Variants in MEMO1 observed in about 807,000 individuals in gnomAD.
MEMO1 encodes the protein mediator of cell motility 1, also known as protein MEMO1.
Under a neutral mutation model 45.2 loss-of-function variants are expected in MEMO1, and 6 were observed. That is an observed-to-expected ratio of 0.13 (90% confidence interval 0.07 to 0.26). The LOEUF (loss-of-function observed/expected upper bound fraction) is 0.26. Ranked by LOEUF, MEMO1 falls within the 10% of genes least tolerant of loss-of-function variation. MEMO1 has a pLI of 1.00. For synonymous variants in MEMO1, 78 were observed against 124.3 expected (o/e 0.63, Z 2.48); for missense variants, 184 against 370.5 (o/e 0.50, Z 4.13).
chr2:31,925,515 ACTTTCCCCAATAC>A (rs372396123), intron 4 of MEMO1, among the ~76,000 whole-genome samples: 3 of 143,638 alleles, frequency 2.1e-5, no homozygotes, highest in Non-Finnish European at 3.0e-5. Context: ...TCCCGGAGAT[ACTTTCCCCAATAC>A]CTTTCCCACA....
chr2:32,000,704 G>A (rs181311734), intron 2 of MEMO1, among the ~76,000 whole-genome samples: 3 of 152,126 alleles, frequency 2.0e-5, no homozygotes, highest in African/African-American at 7.2e-5. Context: ...ATTGCAGCCT[G>A]GACCCCTGAG....
chr2:31,969,377 A>T (rs1417996758), intron 2 of MEMO1, among the ~76,000 whole-genome samples: 1 of 150,476 alleles, frequency 6.6e-6, no homozygotes, highest in Non-Finnish European at 1.5e-5. Context: ...ATATATATAC[A>T]CATGTGTATA....
chr2:31,993,907 T>A (rs1030878743), intron 2 of MEMO1, among the ~76,000 whole-genome samples: 1 of 151,252 alleles, frequency 6.6e-6, no homozygotes, highest in African/African-American at 2.4e-5. Flanking sequence ...TAAGTAATGC[T>A]GTTGCTGTCT....
intron 2 of MEMO1, among the ~76,000 whole-genome samples, chr2:31,948,777 TAGTCCCAGCTACTTGGAAGGCTG>T (rs1193154526): frequency 6.6e-6 from 1 of 152,230 alleles, no homozygotes; most frequent in East Asian, 1.9e-4. Flanking sequence ...TGCACACCTG[TAGTCCCAGCTACTTGGAAGGCTG>T]AGGCAGGATT....
At chr2:31,915,075 T>G (rs1018687297) in intron 6 of MEMO1, among the ~76,000 whole-genome samples, 1 of 151,582 alleles carries the variant, frequency 6.6e-6, no homozygotes, top group Non-Finnish European at 1.5e-5. Context: ...GAGGCTACAG[T>G]GAGCCATGAT....
At chr2:31,988,956 C>A (rs1014321315) in intron 2 of MEMO1, among the ~76,000 whole-genome samples, 2 of 152,120 alleles carry the variant, frequency 1.3e-5, no homozygotes, top group Non-Finnish European at 2.9e-5. Flanking sequence ...CCTGTAATCC[C>A]AGCACTTTGA....
intron 6 of MEMO1, among the ~76,000 whole-genome samples, chr2:31,902,366 C>G (rs1351641399): frequency 6.6e-6 from 1 of 151,950 alleles, no homozygotes; most frequent in African/African-American, 2.4e-5. Flanking sequence ...CCACTGCACT[C>G]CAGCGTAGGC....
rs116284019 is a variant in MEMO1 at position 31,922,136 on chromosome 2, T to C, written c.213-1226A>G. ...TGCTATGTAGCTAGAAAAGTATTAC[T>C]GATTGCTCAATTAATGAACAAAAGC... On this transcript the variant is annotated intron_variant, in intron 4 of 9. Coordinates refer to ENST00000404530, the MANE Select transcript of MEMO1 (RefSeq NM_001301833.4). Among the ~76,000 whole-genome samples the C allele has an allele frequency of 4.2e-3, 644 of 152,262 alleles. 9 individuals carry two copies. Among genetic ancestry groups the C allele is most frequent in the African/African-American group, 0.015 (633 of 41,562 alleles).
At chr2:31,999,965 C>T (rs1013332741) in intron 2 of MEMO1, among the ~76,000 whole-genome samples, 3 of 151,296 alleles carry the variant, frequency 2.0e-5, no homozygotes, top group African/African-American at 7.3e-5. Flanking sequence ...TCACTGCAGC[C>T]TCCTGGACTC....
At chr2:31,921,783 T>C (rs1682343771) in intron 4 of MEMO1, among the ~76,000 whole-genome samples, 2 of 152,168 alleles carry the variant, frequency 1.3e-5, no homozygotes, top group Middle Eastern at 3.4e-3. Flanking sequence ...TTGAAAAGAA[T>C]TCTATATAAT....
intron 2 of MEMO1, among the ~76,000 whole-genome samples, chr2:31,946,466 T>C (rs903818597): frequency 2.0e-5 from 3 of 152,218 alleles, no homozygotes; most frequent in Non-Finnish European, 2.9e-5. Context: ...AAAAAACTTA[T>C]ACAAAGTAAT....
intron 6 of MEMO1, among the ~76,000 whole-genome samples, chr2:31,895,835 ATC>A (rs1226579013): frequency 6.9e-6 from 1 of 144,698 alleles, no homozygotes; most frequent in Non-Finnish European, 1.5e-5. Flanking sequence ...CAAGAAAAAA[ATC>A]TTTTTTTTTT....
intron 2 of MEMO1, among the ~76,000 whole-genome samples, chr2:32,001,071 C>T (rs1371750560): frequency 2.3e-5 from 3 of 131,930 alleles, no homozygotes; most frequent in Non-Finnish European, 4.7e-5. Flanking sequence ...AGGAGTCTCG[C>T]TCTCTCACCC....
intron 8 of MEMO1, among the ~76,000 whole-genome samples, chr2:31,882,732 AG>A (rs1330994043): frequency 6.6e-6 from 1 of 152,084 alleles, no homozygotes; most frequent in Non-Finnish European, 1.5e-5. Flanking sequence ...TGTCATCATA[AG>A]GCTATGATGT....
At chr2:31,913,646 C>CA (rs1485999880) in intron 6 of MEMO1, among the ~76,000 whole-genome samples, 10 of 151,340 alleles carry the variant, frequency 6.6e-5, no homozygotes, top group African/African-American at 2.4e-4. Flanking sequence ...TTAATTCATT[C>CA]AACAATCAAT....
chr2:31,959,102 A>C (rs1667710096), intron 2 of MEMO1, among the ~76,000 whole-genome samples: 1 of 152,242 alleles, frequency 6.6e-6, no homozygotes, highest in Non-Finnish European at 1.5e-5. Context: ...AGTTTGTTCT[A>C]AGATGAAGAC....
chr2:32,001,119 A>G (rs1354849405), intron 2 of MEMO1, among the ~76,000 whole-genome samples: 3 of 149,334 alleles, frequency 2.0e-5, no homozygotes, highest in African/African-American at 7.5e-5. Flanking sequence ...GCTCACTGCA[A>G]GCGCCGCCTC....
At position 32,010,195 on chromosome 2, in the gene MEMO1, G is replaced by A; in HGVS notation, c.53C>T (p.Thr18Ile). 23 of 1,485,128 alleles carry A rather than the reference G, an allele frequency of 1.5e-5. No homozygotes were observed. The highest frequency in any genetic ancestry group is 2.1e-5 in the Non-Finnish European group (23 of 1,110,254). 92.0% of individuals were successfully genotyped at this position (1,485,128 alleles called of 1,614,324 possible). A position where few individuals can be genotyped will look rare whatever the true frequency, so the allele number is the denominator to read the frequency against. Residue 18 changes from threonine to isoleucine, a missense_variant, in exon 2 of 10, where the codon ACA (threonine) becomes ATA (isoleucine). Thr to Ile is a moderately conservative substitution (Grantham distance 89). This residue lies in a region of MEMO1 where 27 missense variants were observed against 82.1 expected (regional missense o/e 0.33). Coordinates refer to ENST00000404530, the MANE Select transcript of MEMO1 (RefSeq NM_001301833.4). ...REASHAGSWYTASGPQLNAQL... is the reference protein window; with the variant it reads ...REASHAGSWYIASGPQLNAQL... ...GCGGCCTGGGGCCCTACCTGAGGCT[G>A]TGTACCAGCTCCCGGCGTGACTGGC...
intron 2 of MEMO1, among the ~76,000 whole-genome samples, chr2:31,971,989 G>A (rs1054618915): frequency 2.6e-5 from 4 of 151,874 alleles, no homozygotes; most frequent in Non-Finnish European, 5.9e-5. Flanking sequence ...GAAAAGAAAA[G>A]AAAAGAAATA....
Sources: gnomAD v4.1 joint callset for allele counts (sites outside exome capture counted in the v4.1 genomes callset) on GRCh38, gnomAD v4.1.1 for gene constraint, gnomAD v4.1.1 regional missense constraint, MANE v1.5 for transcripts, NCBI Gene and HGNC (gene_info 2026-07-23, HGNC 2026-07-21) for gene names.